STX12: variants seen among roughly 807,000 people sequenced by gnomAD.
STX12 encodes the protein syntaxin-12.
STX12 carries 17 observed loss-of-function variants against 42.2 expected under a neutral mutation model. That is an observed-to-expected ratio of 0.40 (90% CI 0.28 to 0.60). The LOEUF (loss-of-function observed/expected upper bound fraction) is 0.60. Ranked by LOEUF, STX12 falls within the 20% of genes least tolerant of loss-of-function variation. STX12 has a pLI of 0.39. For missense variants in STX12, 297 were observed against 330.9 expected (o/e 0.90, Z 0.79); for synonymous variants, 108 against 116.7 (o/e 0.93, Z 0.48).
intron 2 of STX12, among the ~76,000 whole-genome samples, chr1:27,791,640 C>A (rs952983083): frequency 2.0e-5 from 3 of 152,038 alleles, no homozygotes; most frequent in Non-Finnish European, 4.4e-5. Context: ...ACGGTGAAAC[C>A]CTGTCTCTAC....
At chr1:27,789,344 C>T (rs2088721993) in intron 1 of STX12, among the ~76,000 whole-genome samples, 1 of 152,144 alleles carries the variant, frequency 6.6e-6, no homozygotes. Context: ...CTACCACCTT[C>T]TACTTTGTGA....
intron 2 of STX12, 114 bp downstream of exon 2, chr1:27,789,745 G>T: frequency 1.4e-6 from 1 of 723,184 alleles, no homozygotes; most frequent in East Asian, 2.8e-5. Flanking sequence ...GAGGCAGTGG[G>T]TCATGAGATA....
At position 27,773,435 on chromosome 1, in the gene STX12, G is replaced by C. The variant is rs531339904; in HGVS notation, c.118+10G>C. 2.5e-6 allele frequency: 4 copies of C among 1,612,918 alleles called. No homozygotes were observed. Among genetic ancestry groups the C allele is most frequent in the African/African-American group, 2.7e-5 (2 of 75,016 alleles). On this transcript the variant is annotated intron_variant, in intron 1 of 8. Coordinates refer to ENST00000373943, the MANE Select transcript of STX12 (RefSeq NM_177424.3). ...CGGATCAGCCAAGCCAGTGAGCCGG[G>C]GTACCGAGCTGGGGGGCGGGAGCTG...
intron 5 of STX12, 108 bp downstream of exon 5, chr1:27,810,397 C>A: frequency 1.0e-6 from 1 of 978,536 alleles, no homozygotes; most frequent in Non-Finnish European, 1.6e-6. Context: ...AATAAGGGGG[C>A]ACCTGGAGTG....
intron 2 of STX12, 100 bp from the exon 3 acceptor site, chr1:27,793,433 T>G: frequency 1.0e-6 from 1 of 977,680 alleles, no homozygotes; most frequent in Non-Finnish European, 1.6e-6. Flanking sequence ...CAAATGGCCC[T>G]TCATTCCCTA....
At chr1:27,794,992 G>T (rs1264070782) in intron 3 of STX12, among the ~76,000 whole-genome samples, 2 of 152,048 alleles carry the variant, frequency 1.3e-5, no homozygotes, top group African/African-American at 2.4e-5. Flanking sequence ...CAAAGTACTG[G>T]GATTATAGAC....
intron 1 of STX12, among the ~76,000 whole-genome samples, chr1:27,783,781 A>C (rs11803279): frequency 6.6e-6 from 1 of 152,136 alleles, no homozygotes; most frequent in Non-Finnish European, 1.5e-5. Context: ...GTAGCACATC[A>C]GTCTAACATA....
intron 1 of STX12, among the ~76,000 whole-genome samples, chr1:27,782,098 G>GT (rs140966022): frequency 6.6e-6 from 1 of 152,076 alleles, no homozygotes; most frequent in East Asian, 1.9e-4. Flanking sequence ...ATAAGCAGTG[G>GT]TTTTTTGTTT....
intron 3 of STX12, among the ~76,000 whole-genome samples, chr1:27,796,578 G>T (rs2088787174): frequency 6.6e-6 from 1 of 152,080 alleles, no homozygotes; most frequent in African/African-American, 2.4e-5. Flanking sequence ...GTTTTATAGA[G>T]ACAGAGTCTT....
At chr1:27,819,761 C>T in intron 8 of STX12, 29 bp downstream of exon 8, 1 of 1,601,044 alleles carries the variant, frequency 6.2e-7, no homozygotes, top group Non-Finnish European at 8.5e-7. Flanking sequence ...GAAAGTCACT[C>T]TGTGTTGCAG....
At chr1:27,785,056 C>T (rs1327822504) in intron 1 of STX12, among the ~76,000 whole-genome samples, 1 of 152,114 alleles carries the variant, frequency 6.6e-6, no homozygotes, top group Non-Finnish European at 1.5e-5. Context: ...ATAAAATTCC[C>T]ATAGCTCTGT....
intron 6 of STX12, among the ~76,000 whole-genome samples, chr1:27,813,528 A>C (rs2088918846): frequency 6.6e-6 from 1 of 152,192 alleles, no homozygotes; most frequent in South Asian, 2.1e-4. Context: ...CGAAGGTAGA[A>C]GGCTGCCATT....
chr1:27,798,058 A>G (rs1354107998), intron 3 of STX12, among the ~76,000 whole-genome samples: 1 of 152,194 alleles, frequency 6.6e-6, no homozygotes, highest in Non-Finnish European at 1.5e-5. Context: ...TTTATAGGTC[A>G]TTGTATAGAT....
intron 6 of STX12, 73 bp downstream of exon 6, chr1:27,812,341 T>C (rs1269261995): frequency 9.0e-7 from 1 of 1,107,330 alleles, no homozygotes; most frequent in Non-Finnish European, 1.3e-6. Flanking sequence ...TTCACTTTAA[T>C]TCTCTTAGTG....
intron 1 of STX12, among the ~76,000 whole-genome samples, chr1:27,780,171 A>G (rs369889042): frequency 1.5e-4 from 22 of 150,394 alleles, no homozygotes; most frequent in Non-Finnish European, 8.8e-5. Context: ...TCAGTTGTGC[A>G]TAAGTCCTGC....
chr1:27,789,698 C>T, intron 2 of STX12, 67 bp downstream of exon 2: 1 of 1,242,030 alleles, frequency 8.1e-7, no homozygotes, highest in Non-Finnish European at 1.2e-6. Flanking sequence ...CCTTGCCAGA[C>T]AGCAGCTTAG....
At chr1:27,787,791 C>T (rs1168887998) in intron 1 of STX12, among the ~76,000 whole-genome samples, 1 of 151,984 alleles carries the variant, frequency 6.6e-6, no homozygotes, top group Non-Finnish European at 1.5e-5. Context: ...CTGTGTCCCC[C>T]AAATATTGTT....
At chr1:27,815,612 A>T (rs2088935896) in intron 6 of STX12, among the ~76,000 whole-genome samples, 1 of 152,182 alleles carries the variant, frequency 6.6e-6, no homozygotes, top group African/African-American at 2.4e-5. Flanking sequence ...CACCCCAGTT[A>T]GCTGTATTCA....
chr1:27,791,844 C>T (rs775424286), intron 2 of STX12, among the ~76,000 whole-genome samples: 2 of 151,290 alleles, frequency 1.3e-5, no homozygotes, highest in Non-Finnish European at 2.9e-5. Flanking sequence ...ATTAGCTGTG[C>T]GTGGTGGCTT....
Sources: allele counts gnomAD v4.1 joint callset (sites outside exome capture counted in the v4.1 genomes callset), GRCh38; gene constraint gnomAD v4.1.1; transcripts MANE v1.5; gene names NCBI Gene and HGNC (gene_info 2026-07-23, HGNC 2026-07-21).